R3HDM2: variants seen among roughly 807,000 people sequenced by gnomAD.
The protein encoded by R3HDM2 is R3H domain-containing protein 2.
A neutral mutation model predicts 124.5 loss-of-function variants in R3HDM2; 38 were observed. The observed-to-expected ratio is 0.31, with a 90% CI of 0.24 to 0.40. The LOEUF (loss-of-function observed/expected upper bound fraction) is 0.40. R3HDM2 is among the 10% of genes least tolerant of loss of function. The pLI, the probability that R3HDM2 is intolerant of heterozygous loss-of-function variation, is 1.00. For missense variants in R3HDM2, 869 were observed against 1,236.9 expected, an observed-to-expected ratio of 0.70 and a Z score of 4.46; for synonymous variants, 391 against 448.0, an observed-to-expected ratio of 0.87 and a Z score of 1.61.
Position 57,310,481 on chromosome 12 carries a change from G to A in R3HDM2, c.-35-18C>T, listed in dbSNP as rs1272069308. The A allele has an allele frequency of 2.2e-6, 3 of 1,346,032 alleles. No homozygotes were observed. The highest frequency in any genetic ancestry group is 3.2e-5 in the Admixed American group (1 of 31,018). The allele number at this position is 1,346,032 out of a possible 1,614,324, so 83.4% of individuals were successfully genotyped here. The stretch of plus-strand genomic sequence containing the variant: ...ATGGACTCCTAAAGAAACATCAAAT[G>A]CATTAAGCAGGAGGTATGTATCCAT... On this transcript the variant is annotated intron_variant, in intron 2 of 23. Transcript: ENST00000402412.
At chr12:57,259,744 C>T (rs1285803406) in intron 19 of R3HDM2, among the ~76,000 whole-genome samples, 3 of 152,134 alleles carry the variant, frequency 2.0e-5, no homozygotes, top group Non-Finnish European at 4.4e-5. Flanking sequence ...ATGTTGGGCA[C>T]TGAGTGTACA....
At chr12:57,354,182 T>A (rs1402840687) in intron 2 of R3HDM2, among the ~76,000 whole-genome samples, 1 of 152,024 alleles carries the variant, frequency 6.6e-6, no homozygotes, top group Non-Finnish European at 1.5e-5. Flanking sequence ...TTTTTTTTTT[T>A]AAGTCTGTTT....
At chr12:57,369,113 C>A (rs1277014284) in intron 2 of R3HDM2, among the ~76,000 whole-genome samples, 2 of 152,166 alleles carry the variant, frequency 1.3e-5, no homozygotes, top group Non-Finnish European at 2.9e-5. Context: ...CACCTACCCC[C>A]ACTCTCCCAT....
chr12:57,392,955 C>G (rs2066937653), intron 2 of R3HDM2, among the ~76,000 whole-genome samples: 1 of 151,914 alleles, frequency 6.6e-6, no homozygotes, highest in African/African-American at 2.4e-5. Context: ...CAGGCACCTG[C>G]CACCACGCCC....
At chr12:57,294,500 TC>T (rs1277195657) in intron 10 of R3HDM2, among the ~76,000 whole-genome samples, 1 of 152,076 alleles carries the variant, frequency 6.6e-6, no homozygotes, top group Non-Finnish European at 1.5e-5. Flanking sequence ...CCTCAAATAC[TC>T]AAGCAGCAAG....
chr12:57,304,633 G>C, intron 3 of R3HDM2: 1 of 488,966 alleles, frequency 2.0e-6, no homozygotes, highest in Non-Finnish European at 2.7e-6. Flanking sequence ...TGCAGTAAGG[G>C]AAGATTCATA....
intron 14 of R3HDM2, among the ~76,000 whole-genome samples, chr12:57,272,709 C>T (rs958059993): frequency 2.0e-5 from 3 of 152,030 alleles, no homozygotes; most frequent in Non-Finnish European, 2.9e-5. Flanking sequence ...ATGAGTAGCA[C>T]GACTGCTGAG....
chr12:57,352,241 C>CAAAAAAAA (rs776229504), intron 2 of R3HDM2, among the ~76,000 whole-genome samples: 3 of 48,460 alleles, frequency 6.2e-5, no homozygotes, highest in Admixed American at 2.3e-4. Context: ...GACTCCATCT[C>CAAAAAAAA]AAAAAAAAAA....
intron 1 of R3HDM2, among the ~76,000 whole-genome samples, chr12:57,425,141 G>A (rs545691779): frequency 6.6e-6 from 1 of 152,038 alleles, no homozygotes; most frequent in East Asian, 1.9e-4. Flanking sequence ...GTGTGGTGGC[G>A]CATGCCTGTA....
chr12:57,264,172 G>T (rs1256403141), intron 19 of R3HDM2, among the ~76,000 whole-genome samples: 1 of 150,618 alleles, frequency 6.6e-6, no homozygotes, highest in African/African-American at 2.4e-5. Context: ...AACCTGGGAG[G>T]CAGAGGCTGC....
At chr12:57,289,337 T>A (rs2048104638) in intron 11 of R3HDM2, among the ~76,000 whole-genome samples, 1 of 152,246 alleles carries the variant, frequency 6.6e-6, no homozygotes, top group African/African-American at 2.4e-5. Flanking sequence ...CTAATTATTA[T>A]TTCCTTTTTA....
chr12:57,368,296 C>A (rs758695447), intron 2 of R3HDM2, among the ~76,000 whole-genome samples: 1 of 152,158 alleles, frequency 6.6e-6, no homozygotes, highest in Non-Finnish European at 1.5e-5. Context: ...TAGTCCCCTT[C>A]CCCTTCCTCT....
At chr12:57,365,684 C>T (rs1371012243) in intron 2 of R3HDM2, among the ~76,000 whole-genome samples, 1 of 152,062 alleles carries the variant, frequency 6.6e-6, no homozygotes, top group African/African-American at 2.4e-5. Context: ...GCCTGTAATC[C>T]CAGCACTTTG....
chr12:57,299,700 A>G (rs1221854224), intron 5 of R3HDM2, among the ~76,000 whole-genome samples: 4 of 152,192 alleles, frequency 2.6e-5, no homozygotes, highest in Non-Finnish European at 5.9e-5. Context: ...CAAATTACAC[A>G]GGCCGTTCTT....
intron 1 of R3HDM2, among the ~76,000 whole-genome samples, chr12:57,398,225 G>T (rs1396412340): frequency 6.6e-6 from 1 of 151,186 alleles, no homozygotes; most frequent in African/African-American, 2.4e-5. Context: ...AAAAGAAAAA[G>T]AAAAAGAAAT....
chr12:57,267,731 T>C (rs1592475560), intron 18 of R3HDM2, among the ~76,000 whole-genome samples: 1 of 152,316 alleles, frequency 6.6e-6, no homozygotes, highest in African/African-American at 2.4e-5. Context: ...CAGTTCTTGT[T>C]CCACCTCTGC....
chr12:57,284,754 C>T (rs971099709), intron 12 of R3HDM2, among the ~76,000 whole-genome samples: 1 of 152,278 alleles, frequency 6.6e-6, no homozygotes, highest in South Asian at 2.1e-4. Flanking sequence ...CTCAGGATGG[C>T]GAAGAGCAGG....
At chr12:57,367,019 A>T (rs1266664103) in intron 2 of R3HDM2, among the ~76,000 whole-genome samples, 2 of 152,112 alleles carry the variant, frequency 1.3e-5, no homozygotes, top group Non-Finnish European at 2.9e-5. Flanking sequence ...TGACTTAGAA[A>T]TAGTTTGATC....
At chr12:57,339,289 G>A (rs778016372) in intron 2 of R3HDM2, among the ~76,000 whole-genome samples, 34 of 152,084 alleles carry the variant, frequency 2.2e-4, no homozygotes, top group Non-Finnish European at 4.1e-4. Context: ...AAGCCACTAC[G>A]TCTGACCCAT....
Sources: allele counts gnomAD v4.1 joint callset (sites outside exome capture counted in the v4.1 genomes callset), GRCh38; gene constraint gnomAD v4.1.1; transcripts MANE v1.5; gene names NCBI Gene and HGNC (gene_info 2026-07-23, HGNC 2026-07-21).